Variants in MSRA observed in about 807,000 individuals in gnomAD.
MSRA encodes methionine sulfoxide reductase A.
MSRA carries 54 observed loss-of-function variants against 31.3 expected under a neutral mutation model. That is an observed-to-expected ratio of 1.73 (90% CI 1.39 to 2.17). The LOEUF (loss-of-function observed/expected upper bound fraction) is 2.17. Ranked by LOEUF, MSRA falls within the 30% of genes most tolerant of loss-of-function variation. The probability of loss-of-function intolerance (pLI) is 0.00; values close to 1 mark genes in which losing one functional copy is unlikely to be tolerated. For synonymous variants in MSRA, 169 were observed against 116.5 expected, an observed-to-expected ratio of 1.45 and a Z score of -2.90; for missense variants, 507 against 300.9, an observed-to-expected ratio of 1.69 and a Z score of -5.07.
intron 1 of MSRA, among the ~76,000 whole-genome samples, chr8:10,142,685 T>C (rs1027421870): frequency 9.2e-5 from 14 of 152,230 alleles, no homozygotes; most frequent in African/African-American, 3.1e-4. Context: ...TCCTCTGCAA[T>C]TGAAAGAAGA....
At chr8:10,270,310 T>C (rs1000328515) in intron 3 of MSRA, among the ~76,000 whole-genome samples, 2 of 151,908 alleles carry the variant, frequency 1.3e-5, no homozygotes, top group Admixed American at 6.6e-5. Context: ...CAAAATGCCA[T>C]ACAAAAGAAA....
intron 3 of MSRA, among the ~76,000 whole-genome samples, chr8:10,285,658 C>T (rs1347042964): frequency 6.6e-6 from 1 of 151,850 alleles, no homozygotes; most frequent in African/African-American, 2.4e-5. Context: ...CCCCCCACTC[C>T]TTCCCCGCCT....
chr8:10,407,428 G>T (rs1807886873), intron 5 of MSRA, among the ~76,000 whole-genome samples: 1 of 152,166 alleles, frequency 6.6e-6, no homozygotes. Context: ...GAGGGTGGAG[G>T]TGGATTTGTG....
chr8:10,295,033 GT>G (rs1349813238), intron 3 of MSRA, among the ~76,000 whole-genome samples: 16 of 152,140 alleles, frequency 1.1e-4, no homozygotes, highest in Non-Finnish European at 2.1e-4. Context: ...CGATAGATGA[GT>G]TTATTAGGAC....
rs117649763 is a variant in MSRA, at chr8:10,401,204, A to G, written c.544-26944A>G. On this transcript the variant is annotated intron_variant, in intron 5 of 5. Transcript: ENST00000317173. ...ATATTTTTAAAACCCATACAACTCA[A>G]CAACCACAAAGAAAGTAACCCCCTT... Among the ~76,000 whole-genome samples the G allele has an allele frequency of 3.9e-3, 593 of 152,354 alleles. 15 individuals carry two copies. Among genetic ancestry groups the G allele is most frequent in the Non-Finnish European group, 4.2e-3 (286 of 68,022 alleles).
At chr8:10,102,214 G>T (rs1234120936) in intron 1 of MSRA, among the ~76,000 whole-genome samples, 1 of 152,096 alleles carries the variant, frequency 6.6e-6, no homozygotes, top group African/African-American at 2.4e-5. Flanking sequence ...TTATTTCTTT[G>T]AATACTTCCC....
chr8:10,170,520 C>T (rs1470952736), intron 1 of MSRA, among the ~76,000 whole-genome samples: 1 of 152,118 alleles, frequency 6.6e-6, no homozygotes, highest in Non-Finnish European at 1.5e-5. Flanking sequence ...CCATGTCTGT[C>T]AGTTCTGCAT....
chr8:10,064,303 G>A (rs566724071), intron 1 of MSRA, among the ~76,000 whole-genome samples: 8 of 152,026 alleles, frequency 5.3e-5, no homozygotes, highest in Non-Finnish European at 1.0e-4. Context: ...TGGGTCAGCT[G>A]GTACCTCTTC....
intron 1 of MSRA, among the ~76,000 whole-genome samples, chr8:10,110,487 C>G (rs1800200456): frequency 6.6e-6 from 1 of 152,270 alleles, no homozygotes; most frequent in South Asian, 2.1e-4. Context: ...TTAGGAGAAA[C>G]AGTGCAAACA....
At chr8:10,214,724 T>G (rs569820965) in intron 2 of MSRA, among the ~76,000 whole-genome samples, 1 of 152,306 alleles carries the variant, frequency 6.6e-6, no homozygotes, top group South Asian at 2.1e-4. Flanking sequence ...GCAAACTTCT[T>G]AAATGGTAGA....
intron 5 of MSRA, chr8:10,320,247 T>C (rs1432355538): frequency 1.5e-5 from 4 of 270,832 alleles, no homozygotes; most frequent in Admixed American, 5.4e-5. Context: ...AGCAGAAGGA[T>C]ACTTGAGGCC....
intron 1 of MSRA, among the ~76,000 whole-genome samples, chr8:10,169,048 C>A (rs1378095590): frequency 6.6e-6 from 1 of 152,198 alleles, no homozygotes; most frequent in Non-Finnish European, 1.5e-5. Flanking sequence ...TGATTTTCCC[C>A]ATAACCTTCT....
chr8:10,320,128 T>C, intron 5 of MSRA, 139 bp downstream of exon 5: 1 of 582,872 alleles, frequency 1.7e-6, no homozygotes, highest in South Asian at 2.5e-5. Flanking sequence ...TGTCAGCCTC[T>C]AGGAGTGGAG....
intron 1 of MSRA, among the ~76,000 whole-genome samples, chr8:10,181,750 C>T (rs539684213): frequency 6.6e-5 from 10 of 152,108 alleles, no homozygotes; most frequent in African/African-American, 1.7e-4. Flanking sequence ...GTGGTCCAGA[C>T]GTATTATGAA....
At chr8:10,202,786 TG>T (rs1808617353) in intron 1 of MSRA, among the ~76,000 whole-genome samples, 1 of 152,232 alleles carries the variant, frequency 6.6e-6, no homozygotes, top group African/African-American at 2.4e-5. Context: ...GAGTGCTTTT[TG>T]TATTTAATTC....
intron 1 of MSRA, among the ~76,000 whole-genome samples, chr8:10,190,276 C>T (rs1807397422): frequency 6.6e-6 from 1 of 152,140 alleles, no homozygotes; most frequent in Non-Finnish European, 1.5e-5. Flanking sequence ...AAACCCTCAG[C>T]CTGGTGGTAA....
At chr8:10,201,242 C>G (rs138121454) in intron 1 of MSRA, among the ~76,000 whole-genome samples, 2 of 152,018 alleles carry the variant, frequency 1.3e-5, no homozygotes, top group Non-Finnish European at 2.9e-5. Flanking sequence ...ACACTTGATA[C>G]GTCAGTCCAG....
intron 2 of MSRA, among the ~76,000 whole-genome samples, chr8:10,240,817 C>T (rs1422166694): frequency 4.6e-5 from 7 of 152,098 alleles, no homozygotes; most frequent in Non-Finnish European, 8.8e-5. Context: ...ACAAACCAAC[C>T]ATTCAACACC....
chr8:10,424,336 G>T (rs1468654091), intron 5 of MSRA, among the ~76,000 whole-genome samples: 1 of 152,190 alleles, frequency 6.6e-6, no homozygotes, highest in Admixed American at 6.5e-5. Flanking sequence ...GTGAATCAGG[G>T]AGAAGGGCCT....
Sources: allele counts gnomAD v4.1 joint callset (sites outside exome capture counted in the v4.1 genomes callset), GRCh38; gene constraint gnomAD v4.1.1; transcripts MANE v1.5; gene names NCBI Gene and HGNC (gene_info 2026-07-23, HGNC 2026-07-21).